Variants in ANTXR1 observed in about 807,000 individuals in gnomAD.
The protein encoded by ANTXR1 is ANTXR cell adhesion molecule 1, also known as anthrax toxin receptor 1.
Under a neutral mutation model 78.1 loss-of-function variants are expected in ANTXR1, and 19 were observed. That is an observed-to-expected ratio of 0.24 (90% confidence interval 0.17 to 0.36). The LOEUF (loss-of-function observed/expected upper bound fraction) is 0.36. Ranked by LOEUF, ANTXR1 falls within the 10% of genes least tolerant of loss-of-function variation. The pLI is 1.00. For synonymous variants in ANTXR1, 273 were observed against 260.5 expected, an observed-to-expected ratio of 1.05 and a Z score of -0.46; for missense variants, 518 against 718.6, an observed-to-expected ratio of 0.72 and a Z score of 3.19.
At chr2:69,148,449 G>T (rs1673291708) in intron 12 of ANTXR1, among the ~76,000 whole-genome samples, 1 of 152,196 alleles carries the variant, frequency 6.6e-6, no homozygotes, top group Admixed American at 6.5e-5. Flanking sequence ...CCGCTGGTCT[G>T]CTGGGAGCTA....
chr2:69,065,920 G>A (rs1670385200), intron 3 of ANTXR1, among the ~76,000 whole-genome samples: 2 of 152,224 alleles, frequency 1.3e-5, no homozygotes, highest in Non-Finnish European at 2.9e-5. Flanking sequence ...ATAGTGATAG[G>A]TGTTTACTGT....
intron 1 of ANTXR1, among the ~76,000 whole-genome samples, chr2:69,028,280 T>C (rs1470485121): frequency 6.6e-6 from 1 of 152,180 alleles, no homozygotes; most frequent in Non-Finnish European, 1.5e-5. Context: ...TAAAAAACAC[T>C]AATATTTAAA....
chr2:69,230,554 A>G (rs1163551283), intron 17 of ANTXR1, among the ~76,000 whole-genome samples: 1 of 152,072 alleles, frequency 6.6e-6, no homozygotes. Context: ...ATTTATTAAT[A>G]TTTTTTAAGA....
chr2:69,095,868 AACTGAGGAAACCAGT>A (rs1266543150), intron 9 of ANTXR1, among the ~76,000 whole-genome samples: 1 of 152,336 alleles, frequency 6.6e-6, no homozygotes, highest in Middle Eastern at 3.4e-3. Context: ...ATTTCTCAAT[AACTGAGGAAACCAGT>A]ATTCCTGGAA....
Position 69,230,341 on chromosome 2 carries a change from C to T in ANTXR1, c.1435-14884C>T, listed in dbSNP as rs115058305. ...GCCTTTTTTAGCTACAATGGTTTAT[C>T]GACCTTCCTCAGGGGCCATCAGAGT... On this transcript the variant is annotated intron_variant, in intron 17 of 17. Transcript: ENST00000303714. Among the ~76,000 whole-genome samples, 1,033 of 151,860 alleles carry T rather than the reference C, an allele frequency of 6.8e-3. 17 individuals carry two copies. Among genetic ancestry groups the T allele is most frequent in the African/African-American group, 0.022 (925 of 41,370 alleles).
chr2:69,145,277 G>GT (rs1349247973), intron 12 of ANTXR1: 6 of 1,541,048 alleles, frequency 3.9e-6, no homozygotes. Context: ...GGCCAGGGGA[G>GT]TAGCCCTTAT....
At chr2:69,228,510 G>GAGAT (rs1340344119) in intron 17 of ANTXR1, among the ~76,000 whole-genome samples, 1 of 152,184 alleles carries the variant, frequency 6.6e-6, no homozygotes, top group Non-Finnish European at 1.5e-5. Context: ...CTTACTTACA[G>GAGAT]AGATAGCCTG....
At chr2:69,176,222 T>C (rs149904103) in intron 14 of ANTXR1, among the ~76,000 whole-genome samples, 4 of 152,294 alleles carry the variant, frequency 2.6e-5, no homozygotes, top group African/African-American at 9.6e-5. Context: ...ACCTTATTCT[T>C]TACTGAAGAA....
chr2:69,152,137 C>T (rs780133800), intron 12 of ANTXR1, 32 bp from the exon 13 acceptor site: 9 of 1,605,384 alleles, frequency 5.6e-6, no homozygotes, highest in African/African-American at 2.7e-5. Flanking sequence ...GGTCCCATCC[C>T]GCTGCTGACC....
chr2:69,191,230 C>G (rs1368575805), intron 16 of ANTXR1, among the ~76,000 whole-genome samples: 2 of 152,166 alleles, frequency 1.3e-5, no homozygotes, highest in Non-Finnish European at 2.9e-5. Flanking sequence ...ATGAGAAACA[C>G]TACACTTGGC....
intron 12 of ANTXR1, chr2:69,145,679 C>T (rs1673204590): frequency 8.7e-7 from 1 of 1,151,624 alleles, no homozygotes; most frequent in Non-Finnish European, 1.1e-6. Flanking sequence ...TGGAGGATTT[C>T]ACAGTTTCTT....
chr2:69,047,247 A>T (rs1229727069), intron 3 of ANTXR1, among the ~76,000 whole-genome samples: 1 of 152,194 alleles, frequency 6.6e-6, no homozygotes, highest in Non-Finnish European at 1.5e-5. Flanking sequence ...GATCAAATAC[A>T]CGTAGGGTAA....
chr2:69,103,403 A>G (rs1671695232), intron 10 of ANTXR1: 2 of 222,896 alleles, frequency 9.0e-6, no homozygotes, highest in Non-Finnish European at 1.8e-5. Flanking sequence ...GTCTAAATGC[A>G]TTAATCTTGA....
At chr2:69,042,873 C>T (rs1007398219) in intron 2 of ANTXR1, among the ~76,000 whole-genome samples, 1 of 152,158 alleles carries the variant, frequency 6.6e-6, no homozygotes, top group African/African-American at 2.4e-5. Flanking sequence ...TTCCTTGAAA[C>T]TCTTTCCTCC....
At chr2:69,218,613 C>G (rs1558653669) in intron 17 of ANTXR1, among the ~76,000 whole-genome samples, 1 of 152,152 alleles carries the variant, frequency 6.6e-6, no homozygotes, top group South Asian at 2.1e-4. Flanking sequence ...ATTCCTTCTT[C>G]CTAAAGCACT....
At chr2:69,074,902 A>G (rs1021978552) in intron 6 of ANTXR1, among the ~76,000 whole-genome samples, 4 of 152,198 alleles carry the variant, frequency 2.6e-5, no homozygotes, top group African/African-American at 9.6e-5. Context: ...TCAGATTATC[A>G]GAGACTTTAA....
At chr2:69,060,457 G>A (rs1284532853) in intron 3 of ANTXR1, among the ~76,000 whole-genome samples, 1 of 152,156 alleles carries the variant, frequency 6.6e-6, no homozygotes, top group Admixed American at 6.5e-5. Flanking sequence ...GTGAGGATGG[G>A]TGATCTTACT....
At chr2:69,163,313 T>TAAAA (rs74748062) in intron 13 of ANTXR1, among the ~76,000 whole-genome samples, 3 of 149,394 alleles carry the variant, frequency 2.0e-5, no homozygotes, top group South Asian at 2.1e-4. Flanking sequence ...TCTTTTCATG[T>TAAAA]AAAAAAAAAA....
intron 17 of ANTXR1, 26 bp from the exon 18 acceptor site, chr2:69,245,199 T>C (rs376269197): frequency 6.2e-7 from 1 of 1,613,410 alleles, no homozygotes. Flanking sequence ...TCCGCTCACG[T>C]TTCCTTCTCT....
Sources: allele counts gnomAD v4.1 joint callset (sites outside exome capture counted in the v4.1 genomes callset), GRCh38; gene constraint gnomAD v4.1.1; transcripts MANE v1.5; gene names NCBI Gene and HGNC (gene_info 2026-07-23, HGNC 2026-07-21).